CACNA1C: variants seen among roughly 807,000 people sequenced by gnomAD.
CACNA1C encodes calcium voltage-gated channel subunit alpha1 C, also known as voltage-dependent L-type calcium channel subunit alpha-1C.
A neutral mutation model predicts 229.0 loss-of-function variants in CACNA1C; 30 were observed. The observed-to-expected ratio is 0.13, with a 90% CI of 0.10 to 0.18. CACNA1C has a LOEUF of 0.18. Ranked by LOEUF, CACNA1C falls within the 10% of genes least tolerant of loss-of-function variation. The pLI is 1.00. For synonymous variants in CACNA1C, 1,114 were observed against 1,132.5 expected, an observed-to-expected ratio of 0.98 and a Z score of 0.33; for missense variants, 1,658 against 2,845.0, an observed-to-expected ratio of 0.58 and a Z score of 9.49.
intron 1 of CACNA1C, among the ~76,000 whole-genome samples, chr12:1,977,687 A>G (rs934831790): frequency 6.6e-6 from 1 of 152,234 alleles, no homozygotes; most frequent in African/African-American, 2.4e-5. Flanking sequence ...TCAATAGCCT[A>G]GATAATTAGC....
intron 1 of CACNA1C, chr12:1,993,310 C>T (rs1443867802): frequency 6.2e-7 from 1 of 1,613,922 alleles, no homozygotes; most frequent in African/African-American, 1.3e-5. Flanking sequence ...GTTGGAAATC[C>T]AAGTCTTTAG....
intron 1 of CACNA1C, among the ~76,000 whole-genome samples, chr12:2,057,819 C>G (rs539768276): frequency 3.0e-4 from 46 of 152,294 alleles, no homozygotes; most frequent in African/African-American, 1.1e-3. Context: ...CCAGAGGGCC[C>G]GGTGGTGCCC....
chr12:2,516,532 A>T (rs2099797237), intron 9 of CACNA1C, among the ~76,000 whole-genome samples: 1 of 152,048 alleles, frequency 6.6e-6, no homozygotes, highest in African/African-American at 2.4e-5. Context: ...GCCTCAGGAG[A>T]TGCTGGGCCT....
intron 4 of CACNA1C, among the ~76,000 whole-genome samples, chr12:2,454,834 C>T (rs1286878946): frequency 6.6e-6 from 1 of 152,202 alleles, no homozygotes; most frequent in African/African-American, 2.4e-5. Context: ...AGCTGATGGC[C>T]TCGTTCCCCA....
intron 3 of CACNA1C, among the ~76,000 whole-genome samples, chr12:2,184,643 T>C (rs1199708170): frequency 6.6e-6 from 1 of 152,224 alleles, no homozygotes; most frequent in Non-Finnish European, 1.5e-5. Flanking sequence ...GTTCAACAAC[T>C]ATTTCTTGCT....
intron 3 of CACNA1C, among the ~76,000 whole-genome samples, chr12:2,311,586 G>C (rs565012728): frequency 9.2e-5 from 14 of 152,324 alleles, no homozygotes; most frequent in African/African-American, 3.1e-4. Flanking sequence ...AGCGTGAGAA[G>C]CCTAACTGGG....
At chr12:2,682,866 A>ACCACACAAACAC (rs1194229196) in intron 43 of CACNA1C, among the ~76,000 whole-genome samples, 188 bp downstream of exon 43, 13 of 308 alleles carry the variant, frequency 0.042, no homozygotes, top group East Asian at 0.5. Context: ...CAACACACAC[A>ACCACACAAACAC]AACACACACA....
In CACNA1C at chr12:2,693,486, C is replaced by T. The variant is rs2097809938; in HGVS notation, c.*2287C>T. ...CTACCCAACAAGGACAGCAGGGGCT[C>T]GAGAAAGGAACTGGTGAAACCCTGA... On this transcript the variant is annotated 3_prime_UTR_variant, in exon 47 of 47. Coordinates refer to ENST00000399655, the MANE Select transcript of CACNA1C (RefSeq NM_000719.7). The T allele has an allele frequency of 6.6e-6, 1 of 152,162 alleles. No individual in the cohort carries two copies. The highest frequency in any genetic ancestry group is 2.1e-4 in the South Asian group (1 of 4,818). 9.4% of individuals were successfully genotyped at this position (152,162 alleles called of 1,614,324 possible).
At chr12:2,173,887 C>T (rs902589319) in intron 3 of CACNA1C, among the ~76,000 whole-genome samples, 1 of 152,000 alleles carries the variant, frequency 6.6e-6, no homozygotes, top group Non-Finnish European at 1.5e-5. Flanking sequence ...GGTAACTTCC[C>T]CAATCTCTCT....
chr12:2,325,011 A>G (rs1293656099), intron 3 of CACNA1C, among the ~76,000 whole-genome samples: 1 of 152,162 alleles, frequency 6.6e-6, no homozygotes, highest in Non-Finnish European at 1.5e-5. Context: ...CTGACAAAAG[A>G]GGTTAAATCA....
chr12:2,320,972 A>G (rs578006811), intron 3 of CACNA1C, among the ~76,000 whole-genome samples: 9 of 152,354 alleles, frequency 5.9e-5, no homozygotes, highest in African/African-American at 2.2e-4. Context: ...AGGGGCTTCC[A>G]TCACCACACG....
chr12:2,203,225 A>G (rs2097650904), intron 3 of CACNA1C, among the ~76,000 whole-genome samples: 1 of 152,002 alleles, frequency 6.6e-6, no homozygotes, highest in African/African-American at 2.4e-5. Flanking sequence ...GTAGGATGGG[A>G]TGTCCGCCTG....
At chr12:2,022,072 C>T (rs2046560883) in intron 1 of CACNA1C, among the ~76,000 whole-genome samples, 2 of 152,212 alleles carry the variant, frequency 1.3e-5, no homozygotes, top group South Asian at 4.1e-4. Flanking sequence ...GGCAAGTTCT[C>T]CCCACATCTG....
At chr12:2,657,930 A>C (rs1374432314) in intron 34 of CACNA1C, among the ~76,000 whole-genome samples, 1 of 152,202 alleles carries the variant, frequency 6.6e-6, no homozygotes, top group African/African-American at 2.4e-5. Context: ...AATAGTCATA[A>C]AACTACATGA....
chr12:2,554,000 G>T (rs559190477), intron 10 of CACNA1C, among the ~76,000 whole-genome samples: 1 of 152,320 alleles, frequency 6.6e-6, no homozygotes, highest in Admixed American at 6.5e-5. Context: ...GATGATGACT[G>T]CAGTGCCATC....
At chr12:2,413,778 C>T (rs1369431696) in intron 3 of CACNA1C, among the ~76,000 whole-genome samples, 1 of 152,206 alleles carries the variant, frequency 6.6e-6, no homozygotes, top group African/African-American at 2.4e-5. Context: ...GAAGGCCCTC[C>T]ACTGCCATTT....
At chr12:2,178,249 A>G (rs1343422367) in intron 3 of CACNA1C, among the ~76,000 whole-genome samples, 1 of 152,166 alleles carries the variant, frequency 6.6e-6, no homozygotes, top group African/African-American at 2.4e-5. Flanking sequence ...GTTTAACAGG[A>G]GAGGAAATAG....
chr12:2,485,454 G>A (rs2099694060), intron 5 of CACNA1C, among the ~76,000 whole-genome samples: 1 of 152,176 alleles, frequency 6.6e-6, no homozygotes, highest in Admixed American at 6.5e-5. Context: ...ATAGACCGCG[G>A]TGCAAGCCCC....
At chr12:2,583,599 A>G (rs1248593750) in intron 15 of CACNA1C, among the ~76,000 whole-genome samples, 2 of 152,226 alleles carry the variant, frequency 1.3e-5, no homozygotes, top group Middle Eastern at 3.2e-3. Context: ...AAGGCAGTGC[A>G]GAAAACACAG....
Sources: allele counts gnomAD v4.1 joint callset (sites outside exome capture counted in the v4.1 genomes callset), GRCh38; gene constraint gnomAD v4.1.1; transcripts MANE v1.5; gene names NCBI Gene and HGNC (gene_info 2026-07-23, HGNC 2026-07-21).